Variants in THUMPD1 observed in about 807,000 individuals in gnomAD.
THUMPD1 encodes the protein THUMP domain 1 NAT10 acetyltransferase adaptor.
Under a neutral mutation model 31.6 loss-of-function variants are expected in THUMPD1, and 31 were observed. The observed-to-expected ratio is 0.98, with a 90% CI of 0.74 to 1.32. THUMPD1 has a LOEUF of 1.32. Ranked by LOEUF, THUMPD1 falls within the 40% of genes most tolerant of loss-of-function variation. The probability of loss-of-function intolerance (pLI) is 0.00; values close to 1 mark genes in which losing one functional copy is unlikely to be tolerated. For missense variants in THUMPD1, 446 were observed against 427.8 expected (o/e 1.04, Z -0.38); for synonymous variants, 166 against 158.2 (o/e 1.05, Z -0.37).
In THUMPD1 at chr16:20,741,653, C is replaced by T; in HGVS notation, c.87G>A (p.Arg29=). The part of the protein sequence containing the change: ...KAQYVLAKRA[R]RCDAGGPRQL... ...GACGGGGCCCGCCAGCGTCGCAGCGCCGAGCGCGCTTGGCCAGCACATACT... is the reference window on the plus strand; with the variant it reads ...GACGGGGCCCGCCAGCGTCGCAGCGTCGAGCGCGCTTGGCCAGCACATACT... The change falls in exon 1 of 4, where the codon CGG becomes CGA. Residue 29 remains arginine (R), a synonymous_variant. Transcript: ENST00000396083. 1 of 1,583,204 alleles carries T rather than the reference C, an allele frequency of 6.3e-7. No homozygotes were observed. Among genetic ancestry groups the T allele is most frequent in the Non-Finnish European group, 8.6e-7 (1 of 1,164,976 alleles).
In THUMPD1 at chr16:20,741,700, C is replaced by T. The variant is rs137951695; in HGVS notation, c.40G>A (p.Gly14Arg). ...PAQQTTQPGGGKRKGKAQYVL... is the reference protein window; with the variant it reads ...PAQQTTQPGGRKRKGKAQYVL... ...TACTGAGCCTTGCCTTTGCGCTTCC[C>T]GCCGCCAGGCTGAGTAGTCTGCTGG... Residue 14 changes from glycine to arginine, a missense_variant, in exon 1 of 4, where the codon GGG becomes AGG. By Grantham distance (125) the Gly-to-Arg change is moderately radical. Coordinates refer to ENST00000396083, the MANE Select transcript of THUMPD1 (RefSeq NM_017736.5). The T allele has an allele frequency of 8.9e-6, 14 of 1,578,190 alleles. No individual in the cohort carries two copies. The highest frequency in any genetic ancestry group is 8.6e-6 in the Non-Finnish European group (10 of 1,162,070).
intron 3 of THUMPD1, 67 bp downstream of exon 3, chr16:20,737,640 GA>G (rs1420246413): frequency 1.3e-6 from 2 of 1,495,852 alleles, no homozygotes; most frequent in Non-Finnish European, 1.8e-6. Flanking sequence ...TCTTTAAAAA[GA>G]AAAAAATCCT....
rs1302117269 is a variant in THUMPD1, at chr16:20,734,702, G to A, written c.*2178C>T. ...TTTGTTGGTGTCTGCCTTTTCAATT[G>A]TTTTACCCAAAAAGAGGCCTTGAAA... On this transcript the variant is annotated 3_prime_UTR_variant, in exon 4 of 4. Transcript: ENST00000396083. 6.6e-6 allele frequency: 1 copy of A among 152,102 alleles called. No individual in the cohort carries two copies. The highest frequency in any genetic ancestry group is 1.5e-5 in the Non-Finnish European group (1 of 68,008). The allele number at this position is 152,102 out of a possible 1,614,324, so 9.4% of individuals were successfully genotyped here.
chr16:20,733,756 C>T lies in THUMPD1; in HGVS notation c.*3124G>A, dbSNP rs1202861068. 2 of 151,936 alleles carry T rather than the reference C, an allele frequency of 1.3e-5. No homozygotes were observed. Among genetic ancestry groups the T allele is most frequent in the African/African-American group, 4.8e-5 (2 of 41,400 alleles). 9.4% of individuals were successfully genotyped at this position (151,936 alleles called of 1,614,324 possible). ...TTCTGGCCGTACCAAAAGCAAAATA[C>T]AAGTAAAAATAACATTTGAAAACCA... On this transcript the variant is annotated 3_prime_UTR_variant, in exon 4 of 4. Transcript: ENST00000396083.
intron 1 of THUMPD1, among the ~76,000 whole-genome samples, chr16:20,740,455 G>C (rs1470234967): frequency 1.3e-5 from 2 of 152,226 alleles, no homozygotes; most frequent in African/African-American, 2.4e-5. Flanking sequence ...TTGTTGCCCA[G>C]CTCTCTGCCC....
Position 20,737,275 on chromosome 16 carries a change from T to C in THUMPD1, c.667A>G (p.Thr223Ala), listed in dbSNP as rs997805331. Residue 223 changes from threonine (T) to alanine (A), a missense_variant, in exon 4 of 4, where the codon ACC becomes GCC. By Grantham distance (58) the Thr-to-Ala change is moderately conservative (BLOSUM62 0). Transcript: ENST00000396083. ...VIRELAGIVC[T>A]LNSENKVDLT... is the part of the protein sequence containing the mutation. The stretch of plus-strand genomic sequence containing the variant: ...TCCACTTTATTTTCTGAATTGAGGG[T>C]GCACACTATTCCTGTAACAAAAACA... 1 of 1,611,730 alleles carries C rather than the reference T, an allele frequency of 6.2e-7. No homozygotes were observed. The highest frequency in any genetic ancestry group is 1.3e-5 in the African/African-American group (1 of 74,848).
chr16:20,740,652 G>A (rs941194504), intron 1 of THUMPD1, among the ~76,000 whole-genome samples: 3 of 152,180 alleles, frequency 2.0e-5, no homozygotes, highest in Admixed American at 6.5e-5. Flanking sequence ...CAAGCTAGTA[G>A]AGGATGAGCC....
At position 20,735,963 on chromosome 16, in the gene THUMPD1, T is replaced by C. The variant is rs2079865495; in HGVS notation, c.*917A>G. 6.6e-6 allele frequency: 1 copy of C among 152,200 alleles called. No individual in the cohort carries two copies. Among genetic ancestry groups the C allele is most frequent in the South Asian group, 2.1e-4 (1 of 4,824 alleles). The allele number at this position is 152,200 out of a possible 1,614,324, so 9.4% of individuals were successfully genotyped here. On this transcript the variant is annotated 3_prime_UTR_variant, in exon 4 of 4. Transcript: ENST00000396083. ...TGAGATAAGTTCTGCTACTAAATAA[T>C]TTGCTTCTTAAACCTTTTGACTAAA... is the stretch of plus-strand genomic sequence containing the variant.
At chr16:20,737,650 C>A in intron 3 of THUMPD1, 58 bp downstream of exon 3, 1 of 1,518,182 alleles carries the variant, frequency 6.6e-7, no homozygotes, top group Non-Finnish European at 8.8e-7. Flanking sequence ...GAAAAAAATC[C>A]TTAAAAAACA....
Position 20,741,795 on chromosome 16 carries a change from C to A in THUMPD1, c.-56G>T. 6.5e-7 allele frequency: 1 copy of A among 1,546,608 alleles called. No individual in the cohort carries two copies. The highest frequency in any genetic ancestry group is 8.7e-7 in the Non-Finnish European group (1 of 1,146,920). ...GTTTCTCCGCTGCTGTTGGCGTCCT[C>A]GTCTATCGCCGGCGCGAACTGGTGA... On this transcript the variant is annotated 5_prime_UTR_variant, in exon 1 of 4. Transcript: ENST00000396083.
chr16:20,741,481 G>GCCCCCCCCCCC, intron 1 of THUMPD1, 28 bp downstream of exon 1: 10 of 1,308,410 alleles, frequency 7.6e-6, no homozygotes, highest in South Asian at 5.3e-5. Context: ...CTGGCAGCCG[G>GCCCCCCCCCCC]CCCGCCCGCC....
Position 20,740,406 on chromosome 16 carries a change from A to G in THUMPD1, c.231+1103T>C, listed in dbSNP as rs564380580. Among the ~76,000 whole-genome samples, 4 of 152,360 alleles carry G rather than the reference A, an allele frequency of 2.6e-5. No homozygotes were observed. The East Asian group carries it at 5.8e-4, about 22-fold the overall frequency. On this transcript the variant is annotated intron_variant, in intron 1 of 3. Transcript: ENST00000396083. ...ACAGAGCAAGACCGCTTCCAAAAAA[A>G]GAATTTGCTTAAAGTACAGGAGTAG...
rs2079893265 is a variant in THUMPD1 at position 20,738,886 on chromosome 16, A to G, written c.406+11T>C. ...TATGAGATCGATAATCTTAGCAAGT[A>G]TTTGTCACACCTATCCCAAGTGTCC... On this transcript the variant is annotated intron_variant, in intron 2 of 3. Transcript: ENST00000396083. 8 of 1,613,254 alleles carry G rather than the reference A, an allele frequency of 5.0e-6. No individual in the cohort carries two copies. The highest frequency in any genetic ancestry group is 6.8e-6 in the Non-Finnish European group (8 of 1,179,456).
At position 20,737,220 on chromosome 16, in the gene THUMPD1, A is replaced by C; in HGVS notation, c.722T>G (p.Val241Gly). ...GCAACAGACAGCTTTGATGATTTCT[A>C]CTACCACTGTGTACTGTGGATTGGT... Reference protein sequence around the residue: ...DLTNPQYTVVVEIIKAVCCLS... With the variant: ...DLTNPQYTVVGEIIKAVCCLS... The change falls in exon 4 of 4, where the codon GTA becomes GGA. Residue 241 changes from valine to glycine, a missense_variant. Transcript: ENST00000396083. The C allele has an allele frequency of 1.2e-6, 2 of 1,614,180 alleles. No homozygotes were observed. The highest frequency in any genetic ancestry group is 1.7e-6 in the Non-Finnish European group (2 of 1,180,022).
intron 1 of THUMPD1, among the ~76,000 whole-genome samples, chr16:20,739,343 T>G (rs1452086329): frequency 6.6e-6 from 1 of 151,866 alleles, no homozygotes; most frequent in Non-Finnish European, 1.5e-5. Context: ...ACACAGCTAA[T>G]TTTTGTATTT....
chr16:20,741,479 C>CGGGG, intron 1 of THUMPD1, 30 bp downstream of exon 1: 3 of 1,329,524 alleles, frequency 2.3e-6, no homozygotes, highest in Middle Eastern at 2.9e-4. Flanking sequence ...GCCTGGCAGC[C>CGGGG]GGCCCGCCCG....
Position 20,741,042 on chromosome 16 carries a change from A to AT in THUMPD1, c.231+466dup, listed in dbSNP as rs568416533. Among the ~76,000 whole-genome samples, 139 of 152,124 alleles carry AT rather than the reference A, an allele frequency of 9.1e-4. 4 individuals are homozygous for AT. The South Asian group carries it at 0.028, about 31-fold the overall frequency. On this transcript the variant is annotated intron_variant, in intron 1 of 3. Coordinates refer to ENST00000396083, the MANE Select transcript of THUMPD1 (RefSeq NM_017736.5). ...CACCTTGAGAGGCAGAGACGGGAGG[A>AT]TCGCTTGAGTGTAGGGTTTAGGACT...
intron 1 of THUMPD1, 28 bp downstream of exon 1, chr16:20,741,481 G>GGGGGGCC: frequency 7.6e-7 from 1 of 1,308,414 alleles, no homozygotes; most frequent in Non-Finnish European, 9.9e-7. Flanking sequence ...CTGGCAGCCG[G>GGGGGGCC]CCCGCCCGCC....
In THUMPD1 at chr16:20,735,486, C is replaced by A. The variant is rs965914344; in HGVS notation, c.*1394G>T. ...ATCTTCAAGTTTTTGATATCAGCAT[C>A]TCTGTGGAGAAAGCAGTGTGCTATA... On this transcript the variant is annotated 3_prime_UTR_variant, in exon 4 of 4. Coordinates refer to ENST00000396083, the MANE Select transcript of THUMPD1 (RefSeq NM_017736.5). 1.3e-5 allele frequency: 2 copies of A among 150,920 alleles called. No individual in the cohort carries two copies. Among genetic ancestry groups the A allele is most frequent in the African/African-American group, 4.9e-5 (2 of 41,024 alleles). 9.3% of individuals were successfully genotyped at this position (150,920 alleles called of 1,614,324 possible).
Sources: gnomAD v4.1 joint callset for allele counts (sites outside exome capture counted in the v4.1 genomes callset) on GRCh38, gnomAD v4.1.1 for gene constraint, MANE v1.5 for transcripts, NCBI Gene and HGNC (gene_info 2026-07-23, HGNC 2026-07-21) for gene names.